ZNF888: variants seen among roughly 807,000 people sequenced by gnomAD.
The protein encoded by ZNF888 is zinc finger protein 888, also known as CTD-2331H12.6.
ZNF888 carries 5 observed loss-of-function variants against 7.2 expected under a neutral mutation model. The ratio of observed to expected loss-of-function variants is 0.70; its 90% CI spans 0.36 to 1.46. The LOEUF (loss-of-function observed/expected upper bound fraction) is 1.46. Among genes scored for constraint, ZNF888 ranks in the 40% most tolerant of loss-of-function variants. ZNF888 has a pLI of 0.03. For missense variants in ZNF888, 716 were observed against 858.0 expected, an observed-to-expected ratio of 0.83 and a Z score of 2.07; for synonymous variants, 240 against 284.3, an observed-to-expected ratio of 0.84 and a Z score of 1.57.
At chr19:52,914,047 C>T (rs1487374184) in intron 4 of ZNF888, among the ~76,000 whole-genome samples, 1 of 152,164 alleles carries the variant, frequency 6.6e-6, no homozygotes, top group East Asian at 1.9e-4. Context: ...ATCCTTTGAG[C>T]CCAAAAGGCG....
intron 3 of ZNF888, among the ~76,000 whole-genome samples, chr19:52,915,732 C>T (rs916258611): frequency 2.0e-5 from 3 of 152,104 alleles, no homozygotes; most frequent in African/African-American, 7.2e-5. Flanking sequence ...ACCTCGGCCT[C>T]CCAAAGTTCT....
intron 1 of ZNF888, among the ~76,000 whole-genome samples, chr19:52,922,647 C>T (rs1049728226): frequency 6.7e-6 from 1 of 149,110 alleles, no homozygotes; most frequent in African/African-American, 2.6e-5. Context: ...CTTTCTCCTT[C>T]TTCTTTTATC....
At chr19:52,909,746 C>G (rs116849452) in intron 4 of ZNF888, among the ~76,000 whole-genome samples, 5,595 of 152,196 alleles carry the variant, frequency 0.037, 176 homozygotes, top group Non-Finnish European at 0.056. Flanking sequence ...ACAATTCCCT[C>G]TTAAGAAAAA....
At chr19:52,914,667 G>A (rs1254091057) in intron 4 of ZNF888, among the ~76,000 whole-genome samples, 2 of 152,060 alleles carry the variant, frequency 1.3e-5, no homozygotes, top group Admixed American at 6.6e-5. Context: ...CTGCAGTAAG[G>A]TTTTGTTTTT....
At position 52,907,009 on chromosome 19, in the gene ZNF888, T is replaced by C; in HGVS notation, c.1313A>G (p.Tyr438Cys). Reference sequence around the variant, plus strand: ...AACCTTGCCACATTCATTACACTTGTAAGGTTTCTCTCCAGTATGAATTGT... The same window carrying C: ...AACCTTGCCACATTCATTACACTTGCAAGGTTTCTCTCCAGTATGAATTGT... ...HKTIHTGEKP[Y>C]KCNECGKVFN... is the part of the protein sequence containing the mutation. The change falls in exon 5 of 5, where the codon TAC (tyrosine) becomes TGC (cysteine). Residue 438 changes from tyrosine to cysteine, a missense_variant. Tyr to Cys is a radical substitution (Grantham distance 194). Coordinates refer to ENST00000638862, the MANE Select transcript of ZNF888 (RefSeq NM_001393938.1). The C allele has an allele frequency of 6.2e-7, 1 of 1,613,038 alleles. No individual in the cohort carries two copies. The highest frequency in any genetic ancestry group is 8.5e-7 in the Non-Finnish European group (1 of 1,179,818).
chr19:52,912,560 C>CCAA (rs2064698802), intron 4 of ZNF888, among the ~76,000 whole-genome samples: 1 of 35,168 alleles, frequency 2.8e-5, no homozygotes, highest in Non-Finnish European at 7.0e-5. Flanking sequence ...CCCATCTCTA[C>CCAA]TAAAAAAAAA....
At position 52,907,482 on chromosome 19, in the gene ZNF888, A is replaced by G; in HGVS notation, c.840T>C (p.Asn280=). 1 of 1,602,994 alleles carries G rather than the reference A, an allele frequency of 6.2e-7. No individual in the cohort carries two copies. The highest frequency in any genetic ancestry group is 1.7e-4 in the Middle Eastern group (1 of 5,976). The change falls in exon 5 of 5, where the codon AAT becomes AAC. Residue 280 remains asparagine (N), a synonymous_variant. Coordinates refer to ENST00000638862, the MANE Select transcript of ZNF888 (RefSeq NM_001393938.1). ...AATGACGTGCAAGGTATGCTTTTTT[A>G]TTAAAAACCTTGCCACATTTATTAC... ...YMCNKCGKVF[N]KKAYLARHYR...
chr19:52,919,894 T>C lies in ZNF888; in HGVS notation c.-177-957A>G, dbSNP rs1299813111. Among the ~76,000 whole-genome samples, 2 of 58,552 alleles carry C rather than the reference T, an allele frequency of 3.4e-5. 1 individual carries two copies. The highest frequency in any genetic ancestry group is 1.2e-4 in the African/African-American group (2 of 16,706). 38.4% of individuals were successfully genotyped at this position (58,552 alleles called of 152,430 possible). On this transcript the variant is annotated intron_variant, in intron 1 of 4. Coordinates refer to ENST00000638862, the MANE Select transcript of ZNF888 (RefSeq NM_001393938.1). ...AACCCTCTGCCTGGCAACCGCCCCG[T>C]CTGAGAAGTGAGGAGCCCCTCCGTC...
chr19:52,923,021 G>T (rs1164504517), intron 1 of ZNF888, among the ~76,000 whole-genome samples: 8 of 152,158 alleles, frequency 5.3e-5, no homozygotes, highest in African/African-American at 1.7e-4. Context: ...GGCTCCAGGG[G>T]CCGACGAGGG....
intron 4 of ZNF888, 30 bp downstream of exon 4, chr19:52,915,166 G>A (rs756687596): frequency 3.9e-6 from 6 of 1,518,994 alleles, no homozygotes; most frequent in Non-Finnish European, 5.3e-6. Flanking sequence ...ATCCACAAGG[G>A]AACATCCCCA....
At chr19:52,916,929 A>C (rs1388295942) in intron 3 of ZNF888, among the ~76,000 whole-genome samples, 1 of 152,018 alleles carries the variant, frequency 6.6e-6, no homozygotes, top group East Asian at 1.9e-4. Flanking sequence ...AACAACAGAA[A>C]TAATAATAAT....
intron 3 of ZNF888, chr19:52,917,538 G>T (rs2064765311): frequency 6.1e-6 from 4 of 654,438 alleles, no homozygotes; most frequent in South Asian, 3.2e-5. Flanking sequence ...ACAGAAAACT[G>T]ACAGTGCATC....
chr19:52,913,616 A>C, intron 4 of ZNF888: 1 of 682,638 alleles, frequency 1.5e-6, no homozygotes. Context: ...GAGCCACTGT[A>C]CCCGGCCAGG....
intron 4 of ZNF888, chr19:52,913,767 T>C: frequency 1.0e-6 from 1 of 983,348 alleles, no homozygotes; most frequent in Non-Finnish European, 1.2e-6. Flanking sequence ...GTGGTTGTTA[T>C]ATTCACACTG....
At chr19:52,915,457 A>G in intron 3 of ZNF888, 135 bp from the exon 4 acceptor site, 1 of 1,594,858 alleles carries the variant, frequency 6.3e-7, no homozygotes, top group African/African-American at 1.4e-5. Context: ...GGGATTCTTC[A>G]CCACATGATG....
rs1226839341 is a variant in ZNF888 at position 52,906,988 on chromosome 19, T to C, written c.1334A>G (p.Lys445Arg). 1.3e-5 allele frequency: 21 copies of C among 1,612,936 alleles called. No homozygotes were observed. Among genetic ancestry groups the C allele is most frequent in the Non-Finnish European group, 1.7e-5 (20 of 1,179,492 alleles). Residue 445 changes from lysine to arginine, a missense_variant, in exon 5 of 5, where the codon AAG becomes AGG. This residue lies in a region of ZNF888 where 697 missense variants were observed against 803.4 expected (regional missense o/e 0.87). Coordinates refer to ENST00000638862, the MANE Select transcript of ZNF888 (RefSeq NM_001393938.1). Reference sequence around the variant, plus strand: ...AAGGTTTGATTGTTGATTGAAAACCTTGCCACATTCATTACACTTGTAAGG... The same window carrying C: ...AAGGTTTGATTGTTGATTGAAAACCCTGCCACATTCATTACACTTGTAAGG... ...EKPYKCNECG[K>R]VFNQQSNLAR...
At position 52,907,233 on chromosome 19, in the gene ZNF888, G is replaced by A; in HGVS notation, c.1089C>T (p.Phe363=). ...GTCTTTCAAGGTATGATTTGCGACT[G>A]AAAACTTTGTCACATTCTTTACATT... The part of the protein sequence containing the change: ...PYQCKECDKV[F]SRKSYLERHR... Residue 363 remains phenylalanine, a synonymous_variant, in exon 5 of 5, where the codon TTC becomes TTT. Transcript: ENST00000638862. 6.2e-7 allele frequency: 1 copy of A among 1,612,402 alleles called. No homozygotes were observed. Among genetic ancestry groups the A allele is most frequent in the Non-Finnish European group, 8.5e-7 (1 of 1,179,584 alleles).
At chr19:52,922,550 C>T (rs553977297) in intron 1 of ZNF888, among the ~76,000 whole-genome samples, 2 of 152,202 alleles carry the variant, frequency 1.3e-5, no homozygotes, top group African/African-American at 4.8e-5. Flanking sequence ...TGCTTTTCTC[C>T]TCCTGCTTTG....
chr19:52,916,907 G>A (rs961204624), intron 3 of ZNF888, among the ~76,000 whole-genome samples: 3 of 151,352 alleles, frequency 2.0e-5, no homozygotes, highest in Non-Finnish European at 2.9e-5. Flanking sequence ...GCAAGACTCC[G>A]TTTCAGAAAC....
Sources: allele counts gnomAD v4.1 joint callset (sites outside exome capture counted in the v4.1 genomes callset), GRCh38; gene constraint gnomAD v4.1.1; regional missense constraint gnomAD v4.1.1; transcripts MANE v1.5; gene names NCBI Gene and HGNC (gene_info 2026-07-23, HGNC 2026-07-21).